Variants in HMG20A observed in about 807,000 individuals in gnomAD.
HMG20A encodes the protein high mobility group 20A.
In HMG20A, 17 loss-of-function variants were observed where a neutral mutation model predicts 43.9. The ratio of observed to expected loss-of-function variants is 0.39; its 90% CI spans 0.27 to 0.58. HMG20A has a LOEUF of 0.58. HMG20A is among the 20% of genes least tolerant of loss of function. HMG20A has a pLI of 0.59. For synonymous variants in HMG20A, 132 were observed against 147.5 expected (o/e 0.89, Z 0.76); for missense variants, 341 against 438.2 (o/e 0.78, Z 1.98).
At chr15:77,444,668 A>G (rs987426749) in intron 1 of HMG20A, among the ~76,000 whole-genome samples, 1 of 152,192 alleles carries the variant, frequency 6.6e-6, no homozygotes, top group African/African-American at 2.4e-5. Context: ...ATCAAAGGAG[A>G]AATGTTCCTA....
downstream of HMG20A, among the ~76,000 whole-genome samples, chr15:77,486,451 G>A (rs370479989): frequency 3.5e-4 from 54 of 152,126 alleles, no homozygotes; most frequent in African/African-American, 1.3e-3. Flanking sequence ...AGTAGAGACA[G>A]GGTTTCACCA....
chr15:77,430,037 C>G (rs1255233049), intron 1 of HMG20A, among the ~76,000 whole-genome samples: 3 of 152,178 alleles, frequency 2.0e-5, no homozygotes, highest in African/African-American at 7.2e-5. Flanking sequence ...TGAGCTTCAT[C>G]ACTTACTAAT....
chr15:77,436,154 C>T (rs149506767), intron 1 of HMG20A, among the ~76,000 whole-genome samples: 6 of 152,250 alleles, frequency 3.9e-5, no homozygotes, highest in Non-Finnish European at 8.8e-5. Flanking sequence ...TTCTACATCT[C>T]GAGTATTCCT....
At chr15:77,460,076 C>A (rs559656077) in intron 2 of HMG20A, among the ~76,000 whole-genome samples, 152 of 152,140 alleles carry the variant, frequency 1.0e-3, no homozygotes, top group Non-Finnish European at 1.5e-3. Context: ...GTGAAGGGAG[C>A]AGGGGCTGGA....
rs757935496 is a variant in HMG20A, at chr15:77,464,307, G to C, written c.157G>C (p.Glu53Gln). 3.1e-6 allele frequency: 5 copies of C among 1,613,868 alleles called. 1 individual carries two copies. In the South Asian group the frequency reaches 5.5e-5, roughly 18 times the overall value. The change falls in exon 3 of 10, where the codon GAG becomes CAG. Residue 53 changes from glutamate (E) to glutamine (Q), a missense_variant. Physicochemically the swap from Glu to Gln is conservative, Grantham distance 29. Coordinates refer to ENST00000336216, the MANE Select transcript of HMG20A (RefSeq NM_001304504.2). ...TSSTNNPEFV[E>Q]DLSQGQLLQS... ...ATCCACCAACAATCCAGAATTTGTGGAGGATCTCTCTCAAGGTCAGTTGCT... is the reference window on the plus strand; with the variant it reads ...ATCCACCAACAATCCAGAATTTGTGCAGGATCTCTCTCAAGGTCAGTTGCT...
At chr15:77,461,735 A>C (rs1208083179) in intron 2 of HMG20A, among the ~76,000 whole-genome samples, 2 of 152,194 alleles carry the variant, frequency 1.3e-5, no homozygotes, top group East Asian at 1.9e-4. Flanking sequence ...TCAGGGATTC[A>C]TAGGATTGCT....
At chr15:77,489,837 C>T (rs1403372098), downstream of HMG20A, among the ~76,000 whole-genome samples, 1 of 152,198 alleles carries the variant, frequency 6.6e-6, no homozygotes, top group Non-Finnish European at 1.5e-5. Flanking sequence ...AAACGAGAGG[C>T]AGAGTGGCTT....
intron 1 of HMG20A, among the ~76,000 whole-genome samples, chr15:77,452,428 C>T (rs1034410696): frequency 6.6e-6 from 1 of 152,130 alleles, no homozygotes; most frequent in African/African-American, 2.4e-5. Flanking sequence ...CTGATACATT[C>T]TTGATTGATC....
At chr15:77,436,935 T>G (rs557308581) in intron 1 of HMG20A, among the ~76,000 whole-genome samples, 5 of 152,336 alleles carry the variant, frequency 3.3e-5, no homozygotes, top group African/African-American at 1.2e-4. Context: ...GTTCTGGATT[T>G]GGTTCCTGTC....
At chr15:77,462,113 C>T (rs752458633) in intron 2 of HMG20A, among the ~76,000 whole-genome samples, 61 of 152,276 alleles carry the variant, frequency 4.0e-4, no homozygotes, top group Non-Finnish European at 5.9e-4. Flanking sequence ...ATCCATTTCT[C>T]GGTCCACTGT....
chr15:77,487,103 A>T (rs2072949471), downstream of HMG20A, among the ~76,000 whole-genome samples: 1 of 152,206 alleles, frequency 6.6e-6, no homozygotes, highest in Non-Finnish European at 1.5e-5. Context: ...TGAGGAAAAG[A>T]GGGCAAGGAC....
chr15:77,496,416 G>A, the HMG20A span, among the ~76,000 whole-genome samples: 1 of 152,154 alleles, frequency 6.6e-6, no homozygotes, highest in Non-Finnish European at 1.5e-5. Flanking sequence ...AGGCCCCTGG[G>A]TTGGCTTCAG....
chr15:77,440,856 A>T (rs2073604722), intron 1 of HMG20A, among the ~76,000 whole-genome samples: 1 of 152,164 alleles, frequency 6.6e-6, no homozygotes, highest in Admixed American at 6.5e-5. Context: ...CTATCACAGT[A>T]AACATTTGTA....
chr15:77,509,338 C>T, the HMG20A span, among the ~76,000 whole-genome samples: 21 of 151,862 alleles, frequency 1.4e-4, no homozygotes, highest in African/African-American at 4.8e-4. Context: ...ACTGCAGCCT[C>T]GATCTCTCTG....
chr15:77,517,713 T>C, the HMG20A span, among the ~76,000 whole-genome samples: 3 of 151,802 alleles, frequency 2.0e-5, no homozygotes, highest in African/African-American at 4.8e-5. Flanking sequence ...GCGACGGCAT[T>C]TGAGGCCCAG....
At chr15:77,477,740 T>C (rs1595932392) in intron 7 of HMG20A, 110 bp downstream of exon 7, 5 of 690,770 alleles carry the variant, frequency 7.2e-6, no homozygotes, top group Non-Finnish European at 1.0e-5. Flanking sequence ...TCCTTAGGAC[T>C]ACTCAAAGAC....
intron 1 of HMG20A, among the ~76,000 whole-genome samples, chr15:77,426,595 G>A (rs2073430430): frequency 6.6e-6 from 1 of 152,106 alleles, no homozygotes; most frequent in South Asian, 2.1e-4. Context: ...AGTGGTGGAG[G>A]CAGAAGAAAA....
the HMG20A span, among the ~76,000 whole-genome samples, chr15:77,495,910 C>T: frequency 6.6e-6 from 1 of 152,170 alleles, no homozygotes; most frequent in African/African-American, 2.4e-5. Context: ...GCAGCCCTCA[C>T]GAATGGTAGG....
At chr15:77,429,535 T>C (rs2073462727) in intron 1 of HMG20A, among the ~76,000 whole-genome samples, 1 of 152,218 alleles carries the variant, frequency 6.6e-6, no homozygotes, top group Non-Finnish European at 1.5e-5. Flanking sequence ...TTTGGCTTAA[T>C]AACAGTAGCA....
Sources: allele counts gnomAD v4.1 joint callset (sites outside exome capture counted in the v4.1 genomes callset), GRCh38; gene constraint gnomAD v4.1.1; transcripts MANE v1.5; gene names NCBI Gene and HGNC (gene_info 2026-07-23, HGNC 2026-07-21).